BCL7C: variants seen among roughly 807,000 people sequenced by gnomAD.
BCL7C encodes the protein B-cell CLL/lymphoma 7 protein family member C.
Under a neutral mutation model 26.2 loss-of-function variants are expected in BCL7C, and 8 were observed. The ratio of observed to expected loss-of-function variants is 0.30; its 90% CI spans 0.18 to 0.55. The LOEUF (loss-of-function observed/expected upper bound fraction) is 0.55, where lower values mean the gene tolerates loss of function less well. BCL7C is among the 20% of genes least tolerant of loss of function. The pLI, the probability that BCL7C is intolerant of heterozygous loss-of-function variation, is 0.93. For synonymous variants in BCL7C, 90 were observed against 116.5 expected, an observed-to-expected ratio of 0.77 and a Z score of 1.47; for missense variants, 262 against 298.5, an observed-to-expected ratio of 0.88 and a Z score of 0.90.
At chr16:30,836,677 T>C (rs563580915) in intron 5 of BCL7C, among the ~76,000 whole-genome samples, 2 of 152,082 alleles carry the variant, frequency 1.3e-5, no homozygotes, top group South Asian at 4.1e-4. Flanking sequence ...GGTTTTGCCA[T>C]GTTGCTCAGG....
intron 5 of BCL7C, among the ~76,000 whole-genome samples, chr16:30,878,597 C>G (rs941853730): frequency 6.6e-6 from 1 of 151,878 alleles, no homozygotes; most frequent in Admixed American, 6.6e-5. Flanking sequence ...GTAATCCTGG[C>G]ACTCTGGGAG....
downstream of BCL7C, among the ~76,000 whole-genome samples, chr16:30,886,453 C>G (rs2055134258): frequency 6.6e-6 from 1 of 152,118 alleles, no homozygotes; most frequent in South Asian, 2.1e-4. Context: ...GTCTCAGAGC[C>G]CAGCTCACAT....
intron 5 of BCL7C, among the ~76,000 whole-genome samples, chr16:30,838,314 T>C (rs2054581439): frequency 1.3e-5 from 2 of 152,272 alleles, no homozygotes; most frequent in African/African-American, 2.4e-5. Context: ...CGTGAGTGTA[T>C]GTGTATATAG....
intron 5 of BCL7C, among the ~76,000 whole-genome samples, chr16:30,848,687 C>A (rs1489289940): frequency 6.6e-6 from 1 of 151,530 alleles, no homozygotes; most frequent in East Asian, 1.9e-4. Context: ...GTCAGGAGTT[C>A]AAGACCAGCC....
At chr16:30,837,959 T>C (rs1183577015) in intron 5 of BCL7C, among the ~76,000 whole-genome samples, 2 of 152,342 alleles carry the variant, frequency 1.3e-5, no homozygotes, top group East Asian at 3.9e-4. Flanking sequence ...ACTGGCTATC[T>C]TAGCTACAAA....
Position 30,834,878 on chromosome 16 carries a change from A to G in BCL7C, c.*70T>C. ...GGGAAGCTCTTTCCGCCCTCGGGGC[A>G]CAGGTAGTGGCTGGATCTTGGGGCA... On this transcript the variant is annotated 3_prime_UTR_variant, in exon 6 of 6. Coordinates refer to the BCL7C transcript ENST00000380317. The surrounding 1 kb of genome is among the most constrained non-coding windows in gnomAD (Gnocchi z 4.3). The G allele has an allele frequency of 7.2e-7, 1 of 1,391,802 alleles. No homozygotes were observed. 86.2% of individuals were successfully genotyped at this position (1,391,802 alleles called of 1,614,324 possible).
At chr16:30,866,675 A>G (rs969628948) in intron 5 of BCL7C, among the ~76,000 whole-genome samples, 2 of 152,154 alleles carry the variant, frequency 1.3e-5, no homozygotes, top group African/African-American at 4.8e-5. Context: ...CATTAATGAA[A>G]TGTAAATAGT....
At chr16:30,883,762 C>T (rs1465256977), downstream of BCL7C, among the ~76,000 whole-genome samples, 1 of 148,494 alleles carries the variant, frequency 6.7e-6, no homozygotes, top group Admixed American at 6.7e-5. Context: ...AGTGATCCGC[C>T]TGCCTTGGCC....
At chr16:30,840,106 G>A (rs2054592752) in intron 5 of BCL7C, among the ~76,000 whole-genome samples, 1 of 152,034 alleles carries the variant, frequency 6.6e-6, no homozygotes, top group Non-Finnish European at 1.5e-5. Context: ...TTATTAGGAA[G>A]GAGAAATGGT....
chr16:30,862,428 C>T (rs190307556), intron 5 of BCL7C, among the ~76,000 whole-genome samples: 65 of 152,288 alleles, frequency 4.3e-4, no homozygotes, highest in African/African-American at 1.2e-3. Context: ...GCTGCAGGGA[C>T]GGCCCTCATT....
At chr16:30,873,796 A>G (rs2054902931) in intron 5 of BCL7C, among the ~76,000 whole-genome samples, 2 of 148,582 alleles carry the variant, frequency 1.3e-5, no homozygotes, top group South Asian at 4.3e-4. Flanking sequence ...GGTTGCAGTG[A>G]GCCGAGATCG....
At chr16:30,887,502 T>C (rs1206034033), downstream of BCL7C, among the ~76,000 whole-genome samples, 3 of 136,702 alleles carry the variant, frequency 2.2e-5, no homozygotes, top group Admixed American at 1.5e-4. Flanking sequence ...AAAAAAAGAA[T>C]CATGGCCTAG....
At chr16:30,848,928 C>T (rs1414693979) in intron 5 of BCL7C, among the ~76,000 whole-genome samples, 1 of 148,904 alleles carries the variant, frequency 6.7e-6, no homozygotes, top group African/African-American at 2.5e-5. Flanking sequence ...TGGTTCATGC[C>T]TGTAATCCCA....
At position 30,893,217 on chromosome 16, in the gene BCL7C, C is replaced by T; in HGVS notation, c.166G>A (p.Glu56Lys). ...TGGGAATGGGGGTTGCTCACCTCCT[C>T]CTGGGGATCCACCACTGGCACCCAC... ...FKWVPVVDPQ[E>K]EERRRAGGGA... Residue 56 changes from glutamate (E) to lysine (K), a missense_variant, in exon 2 of 6, where the codon GAG (glutamate) becomes AAG (lysine). Glu to Lys is a moderately conservative substitution (Grantham distance 56). Coordinates refer to ENST00000215115, the MANE Select transcript of BCL7C (RefSeq NM_004765.4). The surrounding 1 kb of genome is among the most constrained non-coding windows in gnomAD (Gnocchi z 5.2). 1 of 1,613,252 alleles carries T rather than the reference C, an allele frequency of 6.2e-7. No homozygotes were observed. The highest frequency in any genetic ancestry group is 8.5e-7 in the Non-Finnish European group (1 of 1,179,496).
Position 30,893,945 on chromosome 16 carries a change from G to T in BCL7C, c.-1C>A. ...CGGCCCGTACAGTCCGGCCGGCCAT[G>T]CTGGCGGGGCTGGGGCCGGGGCCGA... On this transcript the variant is annotated 5_prime_UTR_variant, in exon 1 of 6. Coordinates refer to ENST00000215115, the MANE Select transcript of BCL7C (RefSeq NM_004765.4). This position sits in a 1 kb window ranked among gnomAD's most constrained non-coding sequence, Gnocchi z 5.2. The T allele has an allele frequency of 6.5e-7, 1 of 1,537,470 alleles. No homozygotes were observed. The highest frequency in any genetic ancestry group is 8.7e-7 in the Non-Finnish European group (1 of 1,145,126).
intron 5 of BCL7C, chr16:30,888,614 C>A (rs1405671574): frequency 6.0e-6 from 2 of 334,640 alleles, no homozygotes; most frequent in Admixed American, 4.5e-5. Flanking sequence ...GGATTACAGG[C>A]GTGAGCCACC....
intron 5 of BCL7C, among the ~76,000 whole-genome samples, chr16:30,836,793 ATT>A (rs564433973): frequency 7.3e-6 from 1 of 137,612 alleles, no homozygotes. Flanking sequence ...ATCTCTTTGT[ATT>A]TTTTTTTTTG....
rs1596610122 is a variant in BCL7C, at chr16:30,877,743, C to A, written c.528+11117G>T. Among the ~76,000 whole-genome samples, 5 of 152,172 alleles carry A rather than the reference C, an allele frequency of 3.3e-5. No homozygotes were observed. In the South Asian group the frequency reaches 1.0e-3, roughly 32 times the overall value. On this transcript the variant is annotated intron_variant, in intron 5 of 5. Transcript: ENST00000380317. The stretch of plus-strand genomic sequence containing the variant: ...CGTGAGCCACCGCGCCCAGCCTAGT[C>A]CAGATTTTTATATGAAATCACTTGA...
chr16:30,887,788 C>A, downstream of BCL7C: 2 of 1,506,214 alleles, frequency 1.3e-6, no homozygotes, highest in Non-Finnish European at 1.8e-6. Context: ...AATGACATGA[C>A]ACAAAATTAC....
Sources: gnomAD v4.1 joint callset for allele counts (sites outside exome capture counted in the v4.1 genomes callset) on GRCh38, gnomAD v4.1.1 for gene constraint, Gnocchi (gnomAD v3.1) non-coding constraint, MANE v1.5 for transcripts, NCBI Gene and HGNC (gene_info 2026-07-23, HGNC 2026-07-21) for gene names.